Variants in STARD13 observed in about 807,000 individuals in gnomAD.
STARD13 encodes stAR-related lipid transfer protein 13.
Under a neutral mutation model 106.4 loss-of-function variants are expected in STARD13, and 62 were observed. The observed-to-expected ratio is 0.58, with a 90% CI of 0.48 to 0.72. The LOEUF (loss-of-function observed/expected upper bound fraction) is 0.72. STARD13 is among the 30% of genes least tolerant of loss of function. The probability of loss-of-function intolerance (pLI) is 0.00; values close to 1 mark genes in which losing one functional copy is unlikely to be tolerated. For missense variants in STARD13, 1,387 were observed against 1,424.0 expected, an observed-to-expected ratio of 0.97 and a Z score of 0.42; for synonymous variants, 565 against 553.0, an observed-to-expected ratio of 1.02 and a Z score of -0.31.
chr13:33,676,578 A>C, the STARD13 span: 1 of 152,216 alleles, frequency 6.6e-6, no homozygotes, highest in Non-Finnish European at 1.5e-5. Context: ...GTTAGGCAGC[A>C]TGTTAGAGTT....
the STARD13 span, among the ~76,000 whole-genome samples, chr13:33,372,299 T>G: frequency 1.1e-4 from 16 of 152,292 alleles, no homozygotes; most frequent in East Asian, 3.1e-3. Context: ...ACCCTTTGAA[T>G]ACACCTACAT....
At chr13:33,642,840 T>G in the STARD13 span, among the ~76,000 whole-genome samples, 1 of 106,648 alleles carries the variant, frequency 9.4e-6, no homozygotes, top group African/African-American at 3.1e-5. Flanking sequence ...AAACAAACAT[T>G]AAAAAAAAAA....
intron 1 of STARD13, among the ~76,000 whole-genome samples, chr13:33,201,831 G>T (rs1160308510): frequency 6.6e-6 from 1 of 152,180 alleles, no homozygotes; most frequent in Non-Finnish European, 1.5e-5. Context: ...CCTTGATTCT[G>T]TGTAAAGAAC....
chr13:33,559,064 T>C, the STARD13 span, among the ~76,000 whole-genome samples: 1 of 151,632 alleles, frequency 6.6e-6, no homozygotes, highest in Non-Finnish European at 1.5e-5. Flanking sequence ...TAATCTGTCA[T>C]TTGAATTCTC....
At chr13:33,250,564 T>C (rs931705245) in intron 1 of STARD13, among the ~76,000 whole-genome samples, 4 of 152,224 alleles carry the variant, frequency 2.6e-5, no homozygotes, top group Non-Finnish European at 5.9e-5. Context: ...TTTAAAGGCA[T>C]TATTTCATAT....
chr13:33,470,528 A>G, the STARD13 span, among the ~76,000 whole-genome samples: 1 of 152,130 alleles, frequency 6.6e-6, no homozygotes, highest in Non-Finnish European at 1.5e-5. Flanking sequence ...GAACTAATTT[A>G]CACTCTCACC....
intron 4 of STARD13, among the ~76,000 whole-genome samples, chr13:33,133,462 G>A (rs1350271992): frequency 6.8e-6 from 1 of 148,008 alleles, no homozygotes; most frequent in Non-Finnish European, 1.5e-5. Context: ...AAATGCAACA[G>A]AGAAAAAAAA....
intron 1 of STARD13, among the ~76,000 whole-genome samples, chr13:33,197,893 G>A (rs1182096406): frequency 1.3e-5 from 2 of 152,154 alleles, no homozygotes; most frequent in Non-Finnish European, 2.9e-5. Context: ...GTTTCAGGCC[G>A]GGCGCGGTGG....
the STARD13 span, among the ~76,000 whole-genome samples, chr13:33,392,359 A>G: frequency 2.0e-5 from 3 of 152,150 alleles, 1 homozygote; most frequent in African/African-American, 7.2e-5. Flanking sequence ...TGATTTGGCC[A>G]TATCTTCATA....
the STARD13 span, among the ~76,000 whole-genome samples, chr13:33,358,653 T>C: frequency 2.0e-5 from 3 of 152,036 alleles, no homozygotes; most frequent in Non-Finnish European, 4.4e-5. Context: ...ACACTCTGAA[T>C]CTAGCTCAAG....
the STARD13 span, among the ~76,000 whole-genome samples, chr13:33,537,757 C>T: frequency 6.6e-6 from 1 of 152,116 alleles, no homozygotes; most frequent in Non-Finnish European, 1.5e-5. Flanking sequence ...CTGACTAGAA[C>T]ATATGCTTGT....
chr13:33,526,809 G>A, the STARD13 span, among the ~76,000 whole-genome samples: 1 of 152,128 alleles, frequency 6.6e-6, no homozygotes, highest in Non-Finnish European at 1.5e-5. Context: ...CTATTATTAT[G>A]TTAGTACGTG....
Position 33,103,189 on chromosome 13 carries a change from ATTAT to A in STARD13, c.*2400_*2403del, listed in dbSNP as rs1179454818. Reference sequence around the variant, plus strand: ...ATATATAAATTTATTTGCCTTGGCAATTATTTATTTACAATTGATGATTGATATC... The same window carrying A: ...ATATATAAATTTATTTGCCTTGGCAATTATTTACAATTGATGATTGATATC... On this transcript the variant is annotated 3_prime_UTR_variant, in exon 14 of 14. Coordinates refer to ENST00000336934, the MANE Select transcript of STARD13 (RefSeq NM_178006.4). 1.3e-5 allele frequency: 2 copies of A among 152,626 alleles called. No homozygotes were observed. Among genetic ancestry groups the A allele is most frequent in the Non-Finnish European group, 2.9e-5 (2 of 68,038 alleles). The allele number at this position is 152,626 out of a possible 1,614,324, so 9.5% of individuals were successfully genotyped here. A position where few individuals can be genotyped will look rare whatever the true frequency, so the allele number is the denominator to read the frequency against.
chr13:33,218,272 G>T (rs1409543142), intron 1 of STARD13, among the ~76,000 whole-genome samples: 2 of 152,142 alleles, frequency 1.3e-5, no homozygotes, highest in Non-Finnish European at 2.9e-5. Flanking sequence ...TGAGCCCACG[G>T]CCTGTCCCAT....
chr13:33,287,502 C>T (rs1431170567), upstream of STARD13, among the ~76,000 whole-genome samples: 1 of 152,172 alleles, frequency 6.6e-6, no homozygotes, highest in Non-Finnish European at 1.5e-5. Context: ...GTGCACTTTC[C>T]ATTCTTATTT....
rs1396799320 is a variant in STARD13, at chr13:33,106,898, G to C, written c.3084C>G (p.Thr1028=). 6.2e-7 allele frequency: 1 copy of C among 1,614,036 alleles called. No individual in the cohort carries two copies. The highest frequency in any genetic ancestry group is 1.3e-5 in the African/African-American group (1 of 75,022). Residue 1028 remains threonine (T), a synonymous_variant, in exon 13 of 14, where the codon ACC becomes ACG. Coordinates refer to ENST00000336934, the MANE Select transcript of STARD13 (RefSeq NM_178006.4). ...WKTDLPKGMC[T]LVSLSVEHEE... is the part of the protein sequence containing the mutation. ...CATGCTCCACGGAGAGGGACACCAG[G>C]GTACACATTCCTTTGGGCAAATCAG...
chr13:33,380,612 G>A, the STARD13 span, among the ~76,000 whole-genome samples: 3 of 151,980 alleles, frequency 2.0e-5, no homozygotes, highest in Non-Finnish European at 1.5e-5. Flanking sequence ...AGTCAAAGGG[G>A]GAGGCAGGAG....
chr13:33,198,290 A>G (rs1482276664), intron 1 of STARD13, among the ~76,000 whole-genome samples: 1 of 152,200 alleles, frequency 6.6e-6, no homozygotes, highest in African/African-American at 2.4e-5. Context: ...TCACTAAGGG[A>G]TGCTTTGTTT....
At chr13:33,365,081 TGGGCACCTTC>T in the STARD13 span, among the ~76,000 whole-genome samples, 3 of 82,480 alleles carry the variant, frequency 3.6e-5, no homozygotes, top group Admixed American at 1.3e-4. Context: ...TCAAATCAGC[TGGGCACCTTC>T]CACACATGTG....
Sources: allele counts gnomAD v4.1 joint callset (sites outside exome capture counted in the v4.1 genomes callset), GRCh38; gene constraint gnomAD v4.1.1; transcripts MANE v1.5; gene names NCBI Gene and HGNC (gene_info 2026-07-23, HGNC 2026-07-21).